TNS4: variants seen among roughly 807,000 people sequenced by gnomAD.
TNS4 encodes tensin-4.
A neutral mutation model predicts 70.4 loss-of-function variants in TNS4; 46 were observed. The ratio of observed to expected loss-of-function variants is 0.65; its 90% CI spans 0.52 to 0.84. The LOEUF is 0.84. Among genes scored for constraint, TNS4 ranks in the 40% least tolerant of loss-of-function variants. The probability of loss-of-function intolerance (pLI) is 0.00; values close to 1 mark genes in which losing one functional copy is unlikely to be tolerated. For synonymous variants in TNS4, 390 were observed against 366.6 expected, an observed-to-expected ratio of 1.06 and a Z score of -0.73; for missense variants, 863 against 907.0, an observed-to-expected ratio of 0.95 and a Z score of 0.62.
At chr17:40,495,831 G>A (rs1170792443) in intron 2 of TNS4, among the ~76,000 whole-genome samples, 156 bp downstream of exon 2, 2 of 152,192 alleles carry the variant, frequency 1.3e-5, no homozygotes, top group Admixed American at 6.5e-5. Flanking sequence ...TATCCCCTTT[G>A]TGTAGCACAG....
chr17:40,484,821 G>A, intron 5 of TNS4, 100 bp downstream of exon 5: 1 of 1,459,348 alleles, frequency 6.9e-7, no homozygotes, highest in South Asian at 1.2e-5. Context: ...CGCTTCCCAG[G>A]ACCCACTATT....
At position 40,488,575 on chromosome 17, in the gene TNS4, T is replaced by C; in HGVS notation, c.834A>G (p.Pro278=). 6.6e-7 allele frequency: 1 copy of C among 1,511,334 alleles called. No homozygotes were observed. 93.6% of individuals were successfully genotyped at this position (1,511,334 alleles called of 1,614,324 possible). ...CAAACATATAGCTGACATCAGACAC[T>C]GGGCTGGCTGACAGCACAGAGATCC... ...GSRISVLSAS[P]VSDVSYMFGS... Residue 278 remains proline (P), a synonymous_variant, in exon 3 of 13, where the codon CCA becomes CCG. Coordinates refer to ENST00000254051, the MANE Select transcript of TNS4 (RefSeq NM_032865.6).
At chr17:40,492,463 G>A (rs552843717) in intron 2 of TNS4, among the ~76,000 whole-genome samples, 19 of 151,754 alleles carry the variant, frequency 1.3e-4, no homozygotes, top group Non-Finnish European at 1.0e-4. Flanking sequence ...CCACCTCCAA[G>A]GCTCAAGTGA....
At chr17:40,479,592 C>T in intron 10 of TNS4, 82 bp downstream of exon 10, 2 of 1,526,698 alleles carry the variant, frequency 1.3e-6, no homozygotes, top group Non-Finnish European at 1.8e-6. Context: ...TGACCTTCAT[C>T]CCTGATCTGC....
chr17:40,488,781 C>A lies in TNS4; in HGVS notation c.628G>T (p.Gly210Trp). ...GAGGGGGGCAGAGGGCGCTGGTGCCCCCTGCCCTGGTTCCCAGAGAAGATG... is the reference window on the plus strand; with the variant it reads ...GAGGGGGGCAGAGGGCGCTGGTGCCACCTGCCCTGGTTCCCAGAGAAGATG... The part of the protein sequence containing the change: ...SLIFSGNQGR[G>W]HQRPLPPSEG... The change falls in exon 3 of 13, where the codon GGG becomes TGG. Residue 210 changes from glycine to tryptophan, a missense_variant. Transcript: ENST00000254051. 6.2e-7 allele frequency: 1 copy of A among 1,612,254 alleles called. No homozygotes were observed. Among genetic ancestry groups the A allele is most frequent in the Non-Finnish European group, 8.5e-7 (1 of 1,179,494 alleles).
chr17:40,495,041 A>G (rs1390713792), intron 2 of TNS4, among the ~76,000 whole-genome samples: 1 of 151,626 alleles, frequency 6.6e-6, no homozygotes, highest in African/African-American at 2.4e-5. Context: ...GTGCCCTGGA[A>G]TTGGCTTGTA....
chr17:40,480,794 C>T (rs1279494351), intron 8 of TNS4, 26 bp from the exon 9 acceptor site: 3 of 1,597,862 alleles, frequency 1.9e-6, no homozygotes, highest in Non-Finnish European at 2.6e-6. Context: ...GAAACAGGCC[C>T]CCCAAAGGGG....
rs185181261 is a variant in TNS4, at chr17:40,499,227, G to A, written c.-96+2307C>T. Among the ~76,000 whole-genome samples the A allele has an allele frequency of 6.6e-3, 1,002 of 152,124 alleles. 6 individuals are homozygous for A. Among genetic ancestry groups the A allele is most frequent in the Middle Eastern group, 0.01 (3 of 292 alleles). On this transcript the variant is annotated intron_variant, in intron 1 of 12. Coordinates refer to ENST00000254051, the MANE Select transcript of TNS4 (RefSeq NM_032865.6). ...AATCCCTTTCCTGTTTTGTTCCCAC[G>A]TAATTACCGGTGCGTGCAGCCCCCA...
At chr17:40,478,256 G>A (rs2035875345) in intron 12 of TNS4, 51 bp downstream of exon 12, 1 of 1,611,316 alleles carries the variant, frequency 6.2e-7, no homozygotes, top group Admixed American at 1.7e-5. Flanking sequence ...CTTTCCTTCT[G>A]CAGTTCCCTC....
In TNS4 at chr17:40,496,529, G is replaced by A. The variant is rs573990296; in HGVS notation, c.-95-9C>T. ...CCAGGAGCTCCCAGGATCTGAAAGAGTCCAAGAGTGGGAACGGAGTAATTT... is the reference window on the plus strand; with the variant it reads ...CCAGGAGCTCCCAGGATCTGAAAGAATCCAAGAGTGGGAACGGAGTAATTT... On this transcript the variant is annotated splice_polypyrimidine_tract_variant and intron_variant, in intron 1 of 12. Coordinates refer to ENST00000254051, the MANE Select transcript of TNS4 (RefSeq NM_032865.6). The A allele has an allele frequency of 4.0e-6, 5 of 1,237,838 alleles. No homozygotes were observed. Among genetic ancestry groups the A allele is most frequent in the Admixed American group, 2.6e-5 (1 of 37,888 alleles). 76.7% of individuals were successfully genotyped at this position (1,237,838 alleles called of 1,614,324 possible).
intron 4 of TNS4, among the ~76,000 whole-genome samples, chr17:40,486,033 C>G (rs1160332460): frequency 1.3e-5 from 2 of 151,560 alleles, no homozygotes; most frequent in African/African-American, 4.8e-5. Flanking sequence ...AGCGTCATGG[C>G]CAAGTGGGGG....
intron 1 of TNS4, among the ~76,000 whole-genome samples, chr17:40,501,191 A>G (rs183712715): frequency 4.4e-4 from 67 of 152,344 alleles, no homozygotes; most frequent in Non-Finnish European, 7.9e-4. Flanking sequence ...TCACGCCTGT[A>G]ATTCCAGCAC....
Position 40,482,355 on chromosome 17 carries a change from A to G in TNS4, c.1563T>C (p.His521=). The G allele has an allele frequency of 6.2e-7, 1 of 1,614,016 alleles. No individual in the cohort carries two copies. The highest frequency in any genetic ancestry group is 8.5e-7 in the Non-Finnish European group (1 of 1,180,008). Residue 521 remains histidine, a synonymous_variant, in exon 7 of 13, where the codon CAT becomes CAC. Coordinates refer to ENST00000254051, the MANE Select transcript of TNS4 (RefSeq NM_032865.6). ...AGGGCTCCTCATCTGCTCCTTTGAGATGCACTCCTTTGGCAGACGACTCGA... is the reference window on the plus strand; with the variant it reads ...AGGGCTCCTCATCTGCTCCTTTGAGGTGCACTCCTTTGGCAGACGACTCGA... The part of the protein sequence containing the change: ...FLIESSAKGV[H]LKGADEEPYF...
chr17:40,478,131 A>C, intron 12 of TNS4, 176 bp downstream of exon 12: 1 of 786,824 alleles, frequency 1.3e-6, no homozygotes, highest in Non-Finnish European at 2.1e-6. Context: ...GTCACCCCCA[A>C]CAGCCCAGAG....
At chr17:40,497,691 T>C (rs571339384) in intron 1 of TNS4, among the ~76,000 whole-genome samples, 88 of 152,178 alleles carry the variant, frequency 5.8e-4, no homozygotes, top group African/African-American at 2.0e-3. Context: ...CAAGACCCTA[T>C]TGAGCACCTG....
At chr17:40,487,625 C>T (rs1201180929) in intron 3 of TNS4, among the ~76,000 whole-genome samples, 165 bp from the exon 4 acceptor site, 1 of 152,194 alleles carries the variant, frequency 6.6e-6, no homozygotes, top group Non-Finnish European at 1.5e-5. Flanking sequence ...CCCACCTAAT[C>T]CTCAAGGGAT....
intron 2 of TNS4, among the ~76,000 whole-genome samples, chr17:40,492,274 C>T (rs1396661752): frequency 6.6e-6 from 1 of 152,210 alleles, no homozygotes; most frequent in African/African-American, 2.4e-5. Context: ...GACTGTGAGC[C>T]ATCACGTACC....
At chr17:40,482,910 G>T (rs2143790860) in intron 6 of TNS4, among the ~76,000 whole-genome samples, 1 of 151,960 alleles carries the variant, frequency 6.6e-6, no homozygotes, top group South Asian at 2.1e-4. Flanking sequence ...TTTTTTTGGG[G>T]GTGGGGTGGG....
chr17:40,484,775 G>A, intron 5 of TNS4, 146 bp downstream of exon 5: 7 of 1,359,164 alleles, frequency 5.2e-6, no homozygotes, highest in Non-Finnish European at 7.1e-6. Context: ...CTACTTCCTC[G>A]GGAGGTCATG....
Sources: allele counts gnomAD v4.1 joint callset (sites outside exome capture counted in the v4.1 genomes callset), GRCh38; gene constraint gnomAD v4.1.1; transcripts MANE v1.5; gene names NCBI Gene and HGNC (gene_info 2026-07-23, HGNC 2026-07-21).